Variants in MSI2 observed in about 807,000 individuals in gnomAD.
MSI2 encodes the protein RNA-binding protein Musashi homolog 2.
In MSI2, 17 loss-of-function variants were observed where a neutral mutation model predicts 45.6. That is an observed-to-expected ratio of 0.37 (90% CI 0.26 to 0.56). The LOEUF (loss-of-function observed/expected upper bound fraction) is 0.56. Ranked by LOEUF, MSI2 falls within the 20% of genes least tolerant of loss-of-function variation. The pLI is 0.77. For missense variants in MSI2, 293 were observed against 444.2 expected, an observed-to-expected ratio of 0.66 and a Z score of 3.06; for synonymous variants, 156 against 158.2, an observed-to-expected ratio of 0.99 and a Z score of 0.11.
the MSI2 span, among the ~76,000 whole-genome samples, chr17:57,699,813 G>A: frequency 6.6e-6 from 1 of 152,250 alleles, no homozygotes; most frequent in African/African-American, 2.4e-5. Flanking sequence ...TGGGGCACAT[G>A]GCCGCATCAG....
intron 6 of MSI2, among the ~76,000 whole-genome samples, chr17:57,405,395 T>C (rs2084064290): frequency 6.6e-6 from 1 of 152,208 alleles, no homozygotes; most frequent in Admixed American, 6.5e-5. Context: ...CTGTGGACCA[T>C]AGTTTGCTGA....
intron 5 of MSI2, among the ~76,000 whole-genome samples, chr17:57,313,151 C>T (rs1005707526): frequency 6.6e-6 from 1 of 152,114 alleles, no homozygotes; most frequent in Non-Finnish European, 1.5e-5. Flanking sequence ...GGCCGGCATT[C>T]GTTTTCTGAT....
chr17:57,474,538 A>G (rs2085501543), intron 6 of MSI2, among the ~76,000 whole-genome samples: 6 of 152,146 alleles, frequency 3.9e-5, no homozygotes, highest in Non-Finnish European at 7.4e-5. Context: ...ACCCCCAGTC[A>G]TGACAATCAA....
At chr17:57,568,527 G>A (rs1475726356) in intron 7 of MSI2, among the ~76,000 whole-genome samples, 1 of 152,234 alleles carries the variant, frequency 6.6e-6, no homozygotes, top group African/African-American at 2.4e-5. Context: ...CCTCACAGCA[G>A]GAGGTGGTGA....
At position 57,490,018 on chromosome 17, in the gene MSI2, A is replaced by G. The variant is rs114844736; in HGVS notation, c.406-39658A>G. Reference sequence around the variant, plus strand: ...TGTCTGCTTTAAATTCTCATAGGAGACTGAAAACCAAGAATATACCTAATG... The same window carrying G: ...TGTCTGCTTTAAATTCTCATAGGAGGCTGAAAACCAAGAATATACCTAATG... On this transcript the variant is annotated intron_variant, in intron 6 of 13. Transcript: ENST00000284073. 2.1e-3 allele frequency among the ~76,000 whole-genome samples: 320 copies of G among 152,256 alleles called. 1 individual carries two copies. The highest frequency in any genetic ancestry group is 7.4e-3 in the African/African-American group (309 of 41,542).
At chr17:57,354,239 A>G (rs1916255850) in intron 5 of MSI2, among the ~76,000 whole-genome samples, 2 of 152,178 alleles carry the variant, frequency 1.3e-5, no homozygotes, top group African/African-American at 2.4e-5. Flanking sequence ...TAGTTTGCCA[A>G]CCCCTAGTCA....
intron 6 of MSI2, among the ~76,000 whole-genome samples, chr17:57,465,820 G>T (rs1468135615): frequency 6.6e-6 from 1 of 152,082 alleles, no homozygotes; most frequent in Non-Finnish European, 1.5e-5. Flanking sequence ...GTTTTTATAG[G>T]CCCGAGAATG....
chr17:57,498,588 CTT>C (rs1284737730), intron 6 of MSI2, among the ~76,000 whole-genome samples: 1 of 152,180 alleles, frequency 6.6e-6, no homozygotes, highest in Admixed American at 6.5e-5. Flanking sequence ...GAACACATCT[CTT>C]CTTTCCCTAT....
Position 57,300,695 on chromosome 17 carries a change from G to A in MSI2, c.312+38503G>A, listed in dbSNP as rs188568448. 1.6e-4 allele frequency among the ~76,000 whole-genome samples: 25 copies of A among 152,300 alleles called. No homozygotes were observed. In the East Asian group the frequency reaches 4.4e-3, roughly 27 times the overall value. ...AGGTTTAATGGACTCACAGTTCCAC[G>A]TGGCTGGGGGAGCATCACAATCATG... On this transcript the variant is annotated intron_variant, in intron 5 of 13. Transcript: ENST00000284073.
At chr17:57,440,438 G>GTGTGTT (rs1296903340) in intron 6 of MSI2, among the ~76,000 whole-genome samples, 1 of 149,856 alleles carries the variant, frequency 6.7e-6, no homozygotes, top group East Asian at 2.0e-4. Flanking sequence ...GTGTGTGTGT[G>GTGTGTT]TGTGTGTGTG....
At chr17:57,548,898 T>TCCCTCC (rs2087234153) in intron 7 of MSI2, among the ~76,000 whole-genome samples, 1 of 121,300 alleles carries the variant, frequency 8.2e-6, no homozygotes, top group African/African-American at 3.4e-5. Context: ...TGTTTACCCT[T>TCCCTCC]CCCCCCCCCA....
At chr17:57,265,526 A>C (rs945686076) in intron 5 of MSI2, 1 of 152,224 alleles carries the variant, frequency 6.6e-6, no homozygotes. Flanking sequence ...CATATAAATA[A>C]AAATCTGTTT....
chr17:57,649,262 C>T (rs962881635), intron 10 of MSI2, among the ~76,000 whole-genome samples: 1 of 151,836 alleles, frequency 6.6e-6, no homozygotes, highest in East Asian at 1.9e-4. Context: ...CCACATACAC[C>T]CAACACAGGT....
At chr17:57,638,063 C>T (rs1020915818) in intron 10 of MSI2, among the ~76,000 whole-genome samples, 1 of 152,222 alleles carries the variant, frequency 6.6e-6, no homozygotes, top group African/African-American at 2.4e-5. Context: ...AAAGCAACAA[C>T]GAAAAACAGA....
At chr17:57,603,569 C>T (rs1257045242) in intron 8 of MSI2, among the ~76,000 whole-genome samples, 1 of 152,202 alleles carries the variant, frequency 6.6e-6, no homozygotes, top group East Asian at 1.9e-4. Flanking sequence ...AATTGGGTAG[C>T]CTTGAAGGAA....
At chr17:57,610,453 A>ACCACCAGCAGC (rs1907142615) in intron 8 of MSI2, among the ~76,000 whole-genome samples, 949 of 43,614 alleles carry the variant, frequency 0.022, 148 homozygotes, top group South Asian at 0.031. Context: ...CTCCGTCTAA[A>ACCACCAGCAGC]AAAAAAAAAA....
intron 11 of MSI2, among the ~76,000 whole-genome samples, chr17:57,656,803 C>G (rs1442336987): frequency 2.0e-5 from 3 of 152,178 alleles, no homozygotes. Context: ...AGGAGCAGTC[C>G]TGCAGCCTGT....
At chr17:57,599,369 A>G (rs1387064453) in intron 8 of MSI2, among the ~76,000 whole-genome samples, 1 of 152,152 alleles carries the variant, frequency 6.6e-6, no homozygotes, top group Non-Finnish European at 1.5e-5. Context: ...AACTATATAG[A>G]CAGTTGTTGG....
At chr17:57,617,897 C>A (rs1445692241) in intron 9 of MSI2, among the ~76,000 whole-genome samples, 1 of 151,960 alleles carries the variant, frequency 6.6e-6, no homozygotes, top group Non-Finnish European at 1.5e-5. Context: ...ATGGTGAAAC[C>A]CTGTCTCTAC....
Sources: allele counts gnomAD v4.1 joint callset (sites outside exome capture counted in the v4.1 genomes callset), GRCh38; gene constraint gnomAD v4.1.1; transcripts MANE v1.5; gene names NCBI Gene and HGNC (gene_info 2026-07-23, HGNC 2026-07-21).